Variants in SLC16A7 observed in about 807,000 individuals in gnomAD.
SLC16A7 encodes the protein monocarboxylate transporter 2.
A neutral mutation model predicts 34.9 loss-of-function variants in SLC16A7; 33 were observed. That is an observed-to-expected ratio of 0.94 (90% confidence interval 0.72 to 1.26). The LOEUF is 1.26. SLC16A7 is among the 50% of genes most tolerant of loss of function. The probability of loss-of-function intolerance (pLI) is 0.00; values close to 1 mark genes in which losing one functional copy is unlikely to be tolerated. For synonymous variants in SLC16A7, 201 were observed against 206.6 expected, an observed-to-expected ratio of 0.97 and a Z score of 0.23; for missense variants, 573 against 578.1, an observed-to-expected ratio of 0.99 and a Z score of 0.09.
At chr12:59,705,895 A>G (rs1448134505) in intron 3 of SLC16A7, among the ~76,000 whole-genome samples, 3 of 152,144 alleles carry the variant, frequency 2.0e-5, no homozygotes, top group Non-Finnish European at 4.4e-5. Flanking sequence ...TCAAGTAAGG[A>G]TAATATGGCT....
chr12:59,762,582 T>C (rs1489851174), intron 3 of SLC16A7, among the ~76,000 whole-genome samples: 1 of 152,152 alleles, frequency 6.6e-6, no homozygotes, highest in Non-Finnish European at 1.5e-5. Context: ...TTGAATTTTC[T>C]TTCTACTACA....
chr12:59,635,584 T>A (rs187373340), intron 1 of SLC16A7, among the ~76,000 whole-genome samples: 17 of 152,222 alleles, frequency 1.1e-4, no homozygotes, highest in Admixed American at 1.1e-3. Context: ...GAAACTTATT[T>A]TTATCTGTTT....
chr12:59,607,066 TTTTCTGTGGCTGCC>T (rs1202228791), intron 1 of SLC16A7, among the ~76,000 whole-genome samples: 1 of 152,234 alleles, frequency 6.6e-6, no homozygotes, highest in Non-Finnish European at 1.5e-5. Flanking sequence ...TGTTTTCCTG[TTTTCTGTGGCTGCC>T]TTCCTGCTGC....
chr12:59,734,438 C>T (rs949478716), intron 3 of SLC16A7, among the ~76,000 whole-genome samples: 12 of 152,350 alleles, frequency 7.9e-5, no homozygotes, highest in Admixed American at 5.2e-4. Flanking sequence ...TCTGAGCCTG[C>T]AGGGGCAGGG....
intron 2 of SLC16A7, among the ~76,000 whole-genome samples, chr12:59,686,239 A>C (rs1871158578): frequency 6.6e-6 from 1 of 151,762 alleles, no homozygotes; most frequent in Admixed American, 6.6e-5. Flanking sequence ...GCAGGGAAGA[A>C]ATTTGTGTTT....
chr12:59,635,248 C>G (rs1880364990), intron 1 of SLC16A7, among the ~76,000 whole-genome samples: 1 of 151,962 alleles, frequency 6.6e-6, no homozygotes, highest in Admixed American at 6.6e-5. Flanking sequence ...CTTGTTGGCC[C>G]TAATTGGAAA....
intron 3 of SLC16A7, among the ~76,000 whole-genome samples, chr12:59,741,248 C>T (rs868720079): frequency 1.3e-4 from 20 of 152,274 alleles, no homozygotes; most frequent in Middle Eastern, 3.4e-3. Context: ...GAGCCCGCAT[C>T]GCCAAGTCAA....
intron 1 of SLC16A7, among the ~76,000 whole-genome samples, chr12:59,624,280 G>C (rs1320280680): frequency 6.6e-6 from 1 of 151,118 alleles, no homozygotes; most frequent in African/African-American, 2.4e-5. Flanking sequence ...TCATTCATTT[G>C]CTCTCGTTTT....
intron 1 of SLC16A7, among the ~76,000 whole-genome samples, chr12:59,639,741 T>C (rs1164817840): frequency 1.3e-5 from 2 of 152,080 alleles, no homozygotes; most frequent in East Asian, 1.9e-4. Flanking sequence ...TATATGATAA[T>C]TTTTCCCTTG....
intron 3 of SLC16A7, among the ~76,000 whole-genome samples, chr12:59,751,533 C>T (rs936360489): frequency 1.8e-4 from 28 of 152,182 alleles, no homozygotes; most frequent in African/African-American, 4.1e-4. Context: ...AACTGCAAGG[C>T]GGCAGCGAGG....
intron 3 of SLC16A7, among the ~76,000 whole-genome samples, chr12:59,753,175 G>A (rs1024505825): frequency 2.0e-5 from 3 of 152,274 alleles, no homozygotes; most frequent in South Asian, 4.1e-4. Flanking sequence ...AGTCCATCGA[G>A]GCTAGGAAGA....
intron 1 of SLC16A7, among the ~76,000 whole-genome samples, chr12:59,637,072 A>T (rs776034513): frequency 1.3e-5 from 2 of 152,276 alleles, no homozygotes; most frequent in Admixed American, 1.3e-4. Context: ...CACATGATTC[A>T]AATGTAAATC....
At chr12:59,654,821 T>C (rs17122785) in intron 1 of SLC16A7, among the ~76,000 whole-genome samples, 11,877 of 151,874 alleles carry the variant, frequency 0.078, 590 homozygotes, top group African/African-American at 0.13. Context: ...TGAGTCTCTC[T>C]GATGTTTTGG....
chr12:59,749,018 C>T (rs1879205809), intron 3 of SLC16A7, among the ~76,000 whole-genome samples: 1 of 152,088 alleles, frequency 6.6e-6, no homozygotes, highest in Non-Finnish European at 1.5e-5. Context: ...ACTTCCAAGA[C>T]ATCACTGAAA....
At chr12:59,638,238 T>A (rs1473586991) in intron 1 of SLC16A7, among the ~76,000 whole-genome samples, 1 of 152,138 alleles carries the variant, frequency 6.6e-6, no homozygotes, top group Non-Finnish European at 1.5e-5. Flanking sequence ...TGTGTAGCAT[T>A]CTTTTCTCCC....
At chr12:59,680,089 T>C (rs1870629195) in intron 2 of SLC16A7, among the ~76,000 whole-genome samples, 1 of 152,150 alleles carries the variant, frequency 6.6e-6, no homozygotes, top group African/African-American at 2.4e-5. Flanking sequence ...TTTACTGGCA[T>C]CAAGGAAAAG....
intron 1 of SLC16A7, among the ~76,000 whole-genome samples, chr12:59,603,212 C>T (rs1377091505): frequency 6.6e-6 from 1 of 152,148 alleles, no homozygotes; most frequent in East Asian, 1.9e-4. Flanking sequence ...GTATTCCCAC[C>T]TCTGGTCTCT....
intron 1 of SLC16A7, among the ~76,000 whole-genome samples, chr12:59,619,537 C>A (rs1365114221): frequency 1.3e-5 from 2 of 151,954 alleles, no homozygotes; most frequent in Non-Finnish European, 2.9e-5. Context: ...GTTTATAAAT[C>A]TATAAATTAG....
intron 1 of SLC16A7, among the ~76,000 whole-genome samples, chr12:59,632,060 T>G (rs1400018113): frequency 6.6e-6 from 1 of 151,946 alleles, no homozygotes; most frequent in Non-Finnish European, 1.5e-5. Context: ...CACATTTTTA[T>G]GGGAAGATGT....
Sources: gnomAD v4.1 joint callset for allele counts (sites outside exome capture counted in the v4.1 genomes callset) on GRCh38, gnomAD v4.1.1 for gene constraint, MANE v1.5 for transcripts, NCBI Gene and HGNC (gene_info 2026-07-23, HGNC 2026-07-21) for gene names.